CACNB2: variants seen among roughly 807,000 people sequenced by gnomAD.
CACNB2 encodes calcium voltage-gated channel auxiliary subunit beta 2.
A neutral mutation model predicts 73.3 loss-of-function variants in CACNB2; 42 were observed. The ratio of observed to expected loss-of-function variants is 0.57; its 90% CI spans 0.45 to 0.74. The LOEUF is 0.74. CACNB2 is among the 30% of genes least tolerant of loss of function. The probability of loss-of-function intolerance (pLI) is 0.00; values close to 1 mark genes in which losing one functional copy is unlikely to be tolerated. For synonymous variants in CACNB2, 348 were observed against 310.3 expected (o/e 1.12, Z -1.28); for missense variants, 940 against 853.0 (o/e 1.10, Z -1.27).
At chr10:18,287,341 A>C (rs1420761805) in intron 2 of CACNB2, among the ~76,000 whole-genome samples, 2 of 152,114 alleles carry the variant, frequency 1.3e-5, no homozygotes, top group Admixed American at 1.3e-4. Flanking sequence ...AAAAAAAATC[A>C]AGTCACAAAT....
chr10:18,351,983 C>T (rs186342017), intron 2 of CACNB2, among the ~76,000 whole-genome samples: 1 of 152,136 alleles, frequency 6.6e-6, no homozygotes, highest in African/African-American at 2.4e-5. Flanking sequence ...TCTCTCAAGG[C>T]GTGTTCAGAG....
chr10:18,403,977 ATGTAATTGGACTGTTCG>A (rs1488594306), intron 3 of CACNB2, among the ~76,000 whole-genome samples: 1 of 152,126 alleles, frequency 6.6e-6, no homozygotes, highest in Non-Finnish European at 1.5e-5. Context: ...AACTTAAAGA[ATGTAATTGGACTGTTCG>A]TAGCTCACAG....
intron 2 of CACNB2, among the ~76,000 whole-genome samples, chr10:18,226,564 T>C (rs1209025094): frequency 6.6e-6 from 1 of 152,232 alleles, no homozygotes; most frequent in Non-Finnish European, 1.5e-5. Flanking sequence ...ATTTAAAACC[T>C]GATCTTCCTG....
intron 1 of CACNB2, among the ~76,000 whole-genome samples, chr10:18,144,960 A>G (rs746944968): frequency 2.0e-5 from 3 of 152,206 alleles, no homozygotes; most frequent in Non-Finnish European, 4.4e-5. Context: ...AGCAGGTGAC[A>G]GGGATTGATA....
intron 3 of CACNB2, among the ~76,000 whole-genome samples, chr10:18,481,265 G>C (rs770901894): frequency 4.0e-5 from 1 of 25,048 alleles, no homozygotes. Context: ...TTTTTTTTTT[G>C]AGACAGAGTC....
At chr10:18,356,355 T>A (rs1472314143) in intron 2 of CACNB2, among the ~76,000 whole-genome samples, 1 of 152,196 alleles carries the variant, frequency 6.6e-6, no homozygotes, top group African/African-American at 2.4e-5. Flanking sequence ...CATCACTGCT[T>A]ATTTTCCTCA....
At chr10:18,524,632 G>A (rs2052268959) in intron 9 of CACNB2, among the ~76,000 whole-genome samples, 1 of 148,072 alleles carries the variant, frequency 6.8e-6, no homozygotes, top group East Asian at 2.0e-4. Flanking sequence ...TCTAGCCTGG[G>A]TGACAGAGCA....
chr10:18,256,144 C>T (rs1331389453), intron 2 of CACNB2, among the ~76,000 whole-genome samples: 4 of 152,130 alleles, frequency 2.6e-5, no homozygotes, highest in Non-Finnish European at 4.4e-5. Flanking sequence ...TGAGCCTCTT[C>T]TTAACGCTTT....
At chr10:18,380,558 G>A (rs1485057029) in intron 2 of CACNB2, among the ~76,000 whole-genome samples, 5 of 149,112 alleles carry the variant, frequency 3.4e-5, no homozygotes, top group Admixed American at 2.0e-4. Context: ...AGGTTCAAGC[G>A]ATTCTCCTGC....
chr10:18,524,207 G>GTTT (rs112945151), intron 9 of CACNB2, among the ~76,000 whole-genome samples: 15 of 145,580 alleles, frequency 1.0e-4, no homozygotes, highest in Non-Finnish European at 2.0e-4. Context: ...TAAATTCACG[G>GTTT]TTTTTTTTTT....
intron 5 of CACNB2, among the ~76,000 whole-genome samples, chr10:18,501,971 G>C (rs2050215589): frequency 6.6e-6 from 1 of 152,174 alleles, no homozygotes; most frequent in South Asian, 2.1e-4. Flanking sequence ...CACTCAGATG[G>C]TGAGATGCAT....
intron 3 of CACNB2, among the ~76,000 whole-genome samples, chr10:18,486,281 T>G (rs973848791): frequency 6.6e-6 from 1 of 152,188 alleles, no homozygotes; most frequent in Non-Finnish European, 1.5e-5. Context: ...ATTATTAGCT[T>G]CACTATTAAC....
intron 3 of CACNB2, among the ~76,000 whole-genome samples, chr10:18,462,429 T>A (rs994678194): frequency 2.0e-5 from 3 of 152,160 alleles, no homozygotes; most frequent in African/African-American, 7.2e-5. Context: ...AATTTTTGTA[T>A]TTTTTGTAGA....
At chr10:18,274,102 G>T (rs1042552137) in intron 2 of CACNB2, among the ~76,000 whole-genome samples, 1 of 152,138 alleles carries the variant, frequency 6.6e-6, no homozygotes, top group Non-Finnish European at 1.5e-5. Flanking sequence ...GCAGAAATAA[G>T]TCGGATGTCC....
intron 5 of CACNB2, among the ~76,000 whole-genome samples, chr10:18,503,676 C>T (rs1241295326): frequency 6.6e-6 from 1 of 152,130 alleles, no homozygotes; most frequent in Non-Finnish European, 1.5e-5. Context: ...GGTAGTATAT[C>T]GTTTGTTGAG....
intron 3 of CACNB2, among the ~76,000 whole-genome samples, chr10:18,466,311 C>T (rs1450093988): frequency 6.6e-6 from 1 of 152,176 alleles, no homozygotes; most frequent in South Asian, 2.1e-4. Flanking sequence ...TCATAGCTCA[C>T]TGCAGCCTCA....
rs111912069 is a variant in CACNB2, at chr10:18,198,134, AAT to A, written c.213+47166_213+47167del. Among the ~76,000 whole-genome samples the A allele has an allele frequency of 4.8e-3, 719 of 148,372 alleles. 2 individuals carry two copies. The highest frequency in any genetic ancestry group is 0.017 in the African/African-American group (693 of 40,830). On this transcript the variant is annotated intron_variant, in intron 2 of 13. Coordinates refer to ENST00000324631, the MANE Select transcript of CACNB2 (RefSeq NM_201596.3). ...TCATATGACATATATGTAATATATT[AAT>A]ATATATTACATATCACACATATTAC...
Position 18,361,993 on chromosome 10 carries a change from T to C in CACNB2, c.214-39931T>C, listed in dbSNP as rs534212187. Among the ~76,000 whole-genome samples, 135 of 152,318 alleles carry C rather than the reference T, an allele frequency of 8.9e-4. 2 individuals are homozygous for C. Among genetic ancestry groups the C allele is most frequent in the Admixed American group, 2.7e-3 (42 of 15,298 alleles). On this transcript the variant is annotated intron_variant, in intron 2 of 13. Transcript: ENST00000324631. ...ATATTATTACTGCTACACATTTTTT[T>C]ATATTTTTTATATTTTGTAGGGATG...
chr10:18,261,966 T>C, intron 2 of CACNB2: 1 of 519,014 alleles, frequency 1.9e-6, no homozygotes, highest in Non-Finnish European at 3.8e-6. Context: ...AATTGCAATA[T>C]GCTGTGCCTT....
Sources: gnomAD v4.1 joint callset for allele counts (sites outside exome capture counted in the v4.1 genomes callset) on GRCh38, gnomAD v4.1.1 for gene constraint, MANE v1.5 for transcripts, NCBI Gene and HGNC (gene_info 2026-07-23, HGNC 2026-07-21) for gene names.